ZBTB20: variants seen among roughly 807,000 people sequenced by gnomAD.
The protein encoded by ZBTB20 is zinc finger and BTB domain containing 20, also known as zinc finger and BTB domain-containing protein 20.
In ZBTB20, 9 loss-of-function variants were observed where a neutral mutation model predicts 56.9. The observed-to-expected ratio is 0.16, with a 90% CI of 0.10 to 0.28. The LOEUF (loss-of-function observed/expected upper bound fraction) is 0.28, where lower values mean the gene tolerates loss of function less well. ZBTB20 is among the 10% of genes least tolerant of loss of function. ZBTB20 has a pLI of 1.00. For synonymous variants in ZBTB20, 417 were observed against 420.7 expected (o/e 0.99, Z 0.11); for missense variants, 655 against 1,003.0 (o/e 0.65, Z 4.69).
In ZBTB20 at chr3:115,036,232, T is replaced by A. The variant is rs1345174476; in HGVS notation, c.-507+34987A>T. On this transcript the variant is annotated intron_variant, in intron 2 of 11. Transcript: ENST00000675478. ...AAATTGAATAAGGTGGTGTATTTTA[T>A]GTTATGTGTATTTTACTACAATAAA... 2.0e-5 allele frequency among the ~76,000 whole-genome samples: 3 copies of A among 152,158 alleles called. No individual in the cohort carries two copies. The East Asian group carries it at 5.8e-4, about 29-fold the overall frequency.
intron 1 of ZBTB20, among the ~76,000 whole-genome samples, chr3:115,109,565 G>T (rs1242571799): frequency 6.6e-6 from 1 of 152,042 alleles, no homozygotes; most frequent in African/African-American, 2.4e-5. Context: ...ACAAAAAGAG[G>T]CCCAAAGACA....
intron 4 of ZBTB20, among the ~76,000 whole-genome samples, chr3:114,802,942 C>T (rs2071826221): frequency 6.6e-6 from 1 of 151,744 alleles, no homozygotes; most frequent in African/African-American, 2.4e-5. Flanking sequence ...GTTTCCTTCT[C>T]CTCAATTTGC....
intron 5 of ZBTB20, among the ~76,000 whole-genome samples, chr3:114,721,132 G>A (rs2064878606): frequency 6.6e-6 from 1 of 152,186 alleles, no homozygotes; most frequent in African/African-American, 2.4e-5. Flanking sequence ...AAGATGGGTT[G>A]AGTGTGGAAT....
intron 2 of ZBTB20, among the ~76,000 whole-genome samples, chr3:115,031,363 A>G (rs1169520296): frequency 6.6e-6 from 1 of 151,486 alleles, no homozygotes; most frequent in East Asian, 1.9e-4. Context: ...CTAAATCATG[A>G]GAGGAGGAAC....
chr3:114,382,241 CCTA>C (rs1250859635), intron 8 of ZBTB20, among the ~76,000 whole-genome samples: 1 of 152,308 alleles, frequency 6.6e-6, no homozygotes, highest in South Asian at 2.1e-4. Flanking sequence ...ACTGCAATCA[CCTA>C]CTGCTTTTTA....
intron 2 of ZBTB20, among the ~76,000 whole-genome samples, chr3:115,037,373 C>T (rs2080970745): frequency 6.6e-6 from 1 of 152,140 alleles, no homozygotes; most frequent in Non-Finnish European, 1.5e-5. Flanking sequence ...CAACCTCCGT[C>T]TCCCAGGTTC....
chr3:114,968,582 C>T (rs1470298170), intron 3 of ZBTB20, among the ~76,000 whole-genome samples: 2 of 152,108 alleles, frequency 1.3e-5, no homozygotes, highest in African/African-American at 4.8e-5. Context: ...GCATAATGAA[C>T]TATCTGATCA....
At chr3:115,116,825 T>C (rs1008204958) in intron 1 of ZBTB20, among the ~76,000 whole-genome samples, 1 of 152,084 alleles carries the variant, frequency 6.6e-6, no homozygotes, top group African/African-American at 2.4e-5. Context: ...TTTACATGCC[T>C]ATCTCTTCCA....
chr3:114,545,215 A>G (rs2049729239), intron 6 of ZBTB20, among the ~76,000 whole-genome samples: 1 of 152,192 alleles, frequency 6.6e-6, no homozygotes, highest in African/African-American at 2.4e-5. Context: ...GAGAAGAATG[A>G]TTTATGGAGT....
At chr3:114,549,338 C>A (rs1036935176) in intron 6 of ZBTB20, among the ~76,000 whole-genome samples, 1 of 152,146 alleles carries the variant, frequency 6.6e-6, no homozygotes, top group Non-Finnish European at 1.5e-5. Flanking sequence ...TACAGTGGGA[C>A]AATTACATAT....
chr3:114,484,071 A>G (rs1276780524), intron 7 of ZBTB20, among the ~76,000 whole-genome samples: 2 of 152,194 alleles, frequency 1.3e-5, no homozygotes, highest in Non-Finnish European at 2.9e-5. Context: ...CTAAGGTCAC[A>G]TATGTGAGGA....
chr3:114,893,635 C>A (rs150916829), intron 4 of ZBTB20, among the ~76,000 whole-genome samples: 1 of 151,974 alleles, frequency 6.6e-6, no homozygotes, highest in African/African-American at 2.4e-5. Flanking sequence ...TGACTCTTCA[C>A]TCCATCCCCT....
intron 6 of ZBTB20, among the ~76,000 whole-genome samples, chr3:114,582,721 C>T (rs1010933202): frequency 6.6e-6 from 1 of 152,160 alleles, no homozygotes; most frequent in African/African-American, 2.4e-5. Context: ...ATAAGGCAAA[C>T]ACCATAGATT....
intron 6 of ZBTB20, among the ~76,000 whole-genome samples, chr3:114,544,083 C>G (rs2049432003): frequency 6.6e-6 from 1 of 152,182 alleles, no homozygotes; most frequent in Non-Finnish European, 1.5e-5. Flanking sequence ...GAACAACATT[C>G]TTATCTCCTG....
chr3:114,316,443 G>A lies in ZBTB20; in HGVS notation c.*22562C>T. 1 of 472,116 alleles carries A rather than the reference G, an allele frequency of 2.1e-6. No homozygotes were observed. Among genetic ancestry groups the A allele is most frequent in the Non-Finnish European group, 4.4e-6 (1 of 229,768 alleles). The allele number at this position is 472,116 out of a possible 1,614,324, so 29.2% of individuals were successfully genotyped here. A position where few individuals can be genotyped will look rare whatever the true frequency, so the allele number is the denominator to read the frequency against. ...GCATCTGGATTTGTAATGAGCATCTGATTTTGTTATGTGCATGTGTGTATA... is the reference window on the plus strand; with the variant it reads ...GCATCTGGATTTGTAATGAGCATCTAATTTTGTTATGTGCATGTGTGTATA... On this transcript the variant is annotated 3_prime_UTR_variant, in exon 12 of 12. Transcript: ENST00000675478.
chr3:114,491,695 T>A (rs2042770494), intron 7 of ZBTB20, among the ~76,000 whole-genome samples: 1 of 152,198 alleles, frequency 6.6e-6, no homozygotes. Flanking sequence ...CTCTACGGTA[T>A]TCTTCCCATG....
At chr3:114,764,633 C>A (rs1027865456) in intron 5 of ZBTB20, among the ~76,000 whole-genome samples, 3 of 152,152 alleles carry the variant, frequency 2.0e-5, no homozygotes, top group African/African-American at 7.2e-5. Context: ...TTATAGTACC[C>A]AAAAGGGAAC....
At chr3:114,498,463 T>C (rs1207941296) in intron 7 of ZBTB20, among the ~76,000 whole-genome samples, 13 of 152,136 alleles carry the variant, frequency 8.5e-5, no homozygotes, top group Non-Finnish European at 1.9e-4. Context: ...GGACATTTCT[T>C]TTCCTTTTGT....
chr3:114,425,882 C>A (rs904219359), intron 7 of ZBTB20, among the ~76,000 whole-genome samples: 3 of 152,156 alleles, frequency 2.0e-5, no homozygotes, highest in Admixed American at 1.3e-4. Context: ...ATATCCAATG[C>A]CTCAATCTTC....
Sources: gnomAD v4.1 joint callset for allele counts (sites outside exome capture counted in the v4.1 genomes callset) on GRCh38, gnomAD v4.1.1 for gene constraint, MANE v1.5 for transcripts, NCBI Gene and HGNC (gene_info 2026-07-23, HGNC 2026-07-21) for gene names.